The following SLC35D4 variants were observed in gnomAD, a reference collection of about 807,000 sequenced individuals.
The protein encoded by SLC35D4 is UDP-N-acetylglucosamine transporter SLC35D4.
At chr18:23,421,394 C>T in the SLC35D4 span, 25 of 1,614,068 alleles carry the variant, frequency 1.5e-5, no homozygotes, top group South Asian at 2.7e-4. Context: ...CTCTACCCAG[C>T]CCAGTTTCCA....
chr18:23,432,612 T>G, the SLC35D4 span, among the ~76,000 whole-genome samples: 2 of 138,192 alleles, frequency 1.4e-5, no homozygotes, highest in African/African-American at 2.8e-5. Context: ...ACCCGGGAGG[T>G]GGAGGTTGCA....
At chr18:23,389,387 G>A in the SLC35D4 span, among the ~76,000 whole-genome samples, 1 of 152,090 alleles carries the variant, frequency 6.6e-6, no homozygotes, top group Admixed American at 6.6e-5. Context: ...TTTTTAAAAA[G>A]GCTTTCTTCT....
chr18:23,409,846 A>T, the SLC35D4 span, among the ~76,000 whole-genome samples: 1 of 18,024 alleles, frequency 5.5e-5, no homozygotes. Context: ...TCCGTCTCTT[A>T]AAAAAAAAAA....
chr18:23,342,889 G>GTTTTATT, the SLC35D4 span, among the ~76,000 whole-genome samples: 1 of 151,340 alleles, frequency 6.6e-6, no homozygotes, highest in East Asian at 1.9e-4. Flanking sequence ...CTGTTCATGT[G>GTTTTATT]TTTAGATCAG....
the SLC35D4 span, among the ~76,000 whole-genome samples, chr18:23,387,132 G>A: frequency 2.6e-5 from 4 of 152,152 alleles, no homozygotes; most frequent in Admixed American, 6.5e-5. Flanking sequence ...GGCTGGTCTC[G>A]AACTCCTGGC....
the SLC35D4 span, among the ~76,000 whole-genome samples, chr18:23,354,792 G>A: frequency 6.6e-6 from 1 of 152,224 alleles, no homozygotes; most frequent in Non-Finnish European, 1.5e-5. Flanking sequence ...GCAGGTTTGT[G>A]ACTGACAGGC....
the SLC35D4 span, among the ~76,000 whole-genome samples, chr18:23,253,324 A>C: frequency 4.6e-5 from 7 of 152,286 alleles, no homozygotes; most frequent in African/African-American, 1.4e-4. Context: ...CTCTACTAAA[A>C]ATTTAAAAAT....
At chr18:23,303,663 G>A in the SLC35D4 span, among the ~76,000 whole-genome samples, 2,776 of 152,312 alleles carry the variant, frequency 0.018, 70 homozygotes, top group African/African-American at 0.063. Flanking sequence ...CACTTTGGGA[G>A]GCTGAGGTGG....
At chr18:23,398,251 G>T in the SLC35D4 span, among the ~76,000 whole-genome samples, 1 of 152,084 alleles carries the variant, frequency 6.6e-6, no homozygotes, top group Non-Finnish European at 1.5e-5. Context: ...GGAAGCCTAT[G>T]AAAAAAAGCA....
chr18:23,306,507 T>C, the SLC35D4 span, among the ~76,000 whole-genome samples: 3 of 152,108 alleles, frequency 2.0e-5, no homozygotes, highest in Non-Finnish European at 4.4e-5. Flanking sequence ...GGTTTCTCCA[T>C]GTTGGTCAGG....
the SLC35D4 span, among the ~76,000 whole-genome samples, chr18:23,321,725 G>A: frequency 1.3e-5 from 2 of 152,180 alleles, no homozygotes; most frequent in Non-Finnish European, 2.9e-5. Context: ...AAAGTGCTGC[G>A]ATTACAGGTG....
chr18:23,378,600 CA>C, the SLC35D4 span, among the ~76,000 whole-genome samples: 1 of 152,164 alleles, frequency 6.6e-6, no homozygotes, highest in Non-Finnish European at 1.5e-5. Flanking sequence ...TTAATGAAAT[CA>C]GACTTTTGTA....
chr18:23,364,902 C>CAAAA, the SLC35D4 span, among the ~76,000 whole-genome samples: 405 of 31,878 alleles, frequency 0.013, 34 homozygotes, highest in East Asian at 0.028. Flanking sequence ...GACTCTGTCT[C>CAAAA]AAAAAAAAAA....
the SLC35D4 span, among the ~76,000 whole-genome samples, chr18:23,431,965 A>G: frequency 1.2e-4 from 19 of 152,166 alleles, no homozygotes; most frequent in African/African-American, 4.6e-4. Context: ...TTTCCCAGGG[A>G]TTAGTCCACA....
chr18:23,399,465 T>C, the SLC35D4 span: 1 of 1,066,100 alleles, frequency 9.4e-7, no homozygotes, highest in Non-Finnish European at 1.4e-6. Context: ...ATTATCATTA[T>C]TAAAGTGATT....
chr18:23,437,240 T>A, the SLC35D4 span, among the ~76,000 whole-genome samples: 4 of 152,228 alleles, frequency 2.6e-5, no homozygotes, highest in Non-Finnish European at 4.4e-5. Flanking sequence ...TAAAACTAAA[T>A]GTATGTTTTA....
chr18:23,294,349 G>T, the SLC35D4 span, among the ~76,000 whole-genome samples: 4 of 152,274 alleles, frequency 2.6e-5, no homozygotes, highest in Non-Finnish European at 5.9e-5. Flanking sequence ...GCTACAGTGA[G>T]GGGGCCACTC....
At chr18:23,251,397 G>A in the SLC35D4 span, among the ~76,000 whole-genome samples, 1 of 152,082 alleles carries the variant, frequency 6.6e-6, no homozygotes, top group African/African-American at 2.4e-5. Flanking sequence ...GTTGCAGTGA[G>A]CCGAGATTGC....
chr18:23,384,002 G>GGA, the SLC35D4 span, among the ~76,000 whole-genome samples: 1 of 15,974 alleles, frequency 6.3e-5, no homozygotes, highest in Non-Finnish European at 1.4e-4. Flanking sequence ...TCCAAAAATT[G>GGA]GGGGGGGGGG....
Sources: gnomAD v4.1 joint callset for allele counts (sites outside exome capture counted in the v4.1 genomes callset) on GRCh38, gnomAD v4.1.1 for gene constraint, MANE v1.5 for transcripts, NCBI Gene and HGNC (gene_info 2026-07-23, HGNC 2026-07-21) for gene names.